The following TGFBR2 variants were observed in gnomAD, a reference collection of about 807,000 sequenced individuals.
The protein encoded by TGFBR2 is transforming growth factor beta receptor 2, also known as TGF-beta receptor type-2.
Under a neutral mutation model 49.0 loss-of-function variants are expected in TGFBR2, and 18 were observed. That is an observed-to-expected ratio of 0.37 (90% CI 0.25 to 0.54). The LOEUF (loss-of-function observed/expected upper bound fraction) is 0.54, where lower values mean the gene tolerates loss of function less well. TGFBR2 is among the 20% of genes least tolerant of loss of function. The pLI is 0.85. For synonymous variants in TGFBR2, 282 were observed against 275.9 expected (o/e 1.02, Z -0.22); for missense variants, 525 against 722.6 (o/e 0.73, Z 3.13).
rs752444160 is a variant in TGFBR2 at position 30,688,448 on chromosome 3, G to A, written c.1461G>A (p.Met487Ile). The change falls in exon 6 of 7, where the codon ATG becomes ATA. Residue 487 changes from methionine (M) to isoleucine (I), a missense_variant. Coordinates refer to ENST00000295754, the MANE Select transcript of TGFBR2 (RefSeq NM_003242.6). ...KVREHPCVESMKDNVLRDRGR... is the reference protein window; with the variant it reads ...KVREHPCVESIKDNVLRDRGR... ...GGGAGCACCCCTGTGTCGAAAGCAT[G>A]AAGGACAACGTGTTGAGAGATCGAG... 2 of 1,614,218 alleles carry A rather than the reference G, an allele frequency of 1.2e-6. No individual in the cohort carries two copies. Among genetic ancestry groups the A allele is most frequent in the South Asian group, 1.1e-5 (1 of 91,088 alleles).
chr3:30,658,703 G>A (rs1322087688), intron 3 of TGFBR2, among the ~76,000 whole-genome samples: 27 of 152,184 alleles, frequency 1.8e-4, no homozygotes, highest in Admixed American at 1.8e-3. Flanking sequence ...TCTCATTGTT[G>A]TAGCATTTCT....
At chr3:30,648,058 G>A (rs1272503572) in intron 2 of TGFBR2, among the ~76,000 whole-genome samples, 2 of 151,910 alleles carry the variant, frequency 1.3e-5, no homozygotes, top group Admixed American at 6.6e-5. Context: ...AATGTTGCAG[G>A]ACAAAAAAAG....
chr3:30,688,207 CA>C (rs1699656546), intron 5 of TGFBR2, among the ~76,000 whole-genome samples, 176 bp from the exon 6 acceptor site: 1 of 152,212 alleles, frequency 6.6e-6, no homozygotes, highest in African/African-American at 2.4e-5. Context: ...AGCCCTTCCC[CA>C]ACCACTCCTT....
At chr3:30,664,836 G>A (rs1699216234) in intron 3 of TGFBR2, among the ~76,000 whole-genome samples, 1 of 152,196 alleles carries the variant, frequency 6.6e-6, no homozygotes, top group African/African-American at 2.4e-5. Flanking sequence ...GGCCAACTTG[G>A]TAAATAAAAT....
At chr3:30,646,684 A>G (rs1210699244) in intron 2 of TGFBR2, among the ~76,000 whole-genome samples, 1 of 152,104 alleles carries the variant, frequency 6.6e-6, no homozygotes, top group Non-Finnish European at 1.5e-5. Context: ...CTGGATGACC[A>G]TATGTCAAAT....
intron 1 of TGFBR2, among the ~76,000 whole-genome samples, chr3:30,629,444 T>C (rs1374261114): frequency 6.6e-6 from 1 of 152,218 alleles, no homozygotes; most frequent in African/African-American, 2.4e-5. Flanking sequence ...CTTTTATTGC[T>C]AAGTTAGACA....
At chr3:30,690,444 C>T (rs1191726167) in intron 6 of TGFBR2, among the ~76,000 whole-genome samples, 3 of 152,154 alleles carry the variant, frequency 2.0e-5, no homozygotes, top group African/African-American at 7.2e-5. Context: ...CATGCCTGAC[C>T]CACATAGGCA....
chr3:30,634,741 A>C (rs1575139277), intron 1 of TGFBR2, among the ~76,000 whole-genome samples: 1 of 152,106 alleles, frequency 6.6e-6, no homozygotes, highest in East Asian at 1.9e-4. Context: ...TTGCTACAGC[A>C]CTCCAAGTCC....
chr3:30,645,905 A>G lies in TGFBR2; in HGVS notation c.263+990A>G, dbSNP rs530218216. On this transcript the variant is annotated intron_variant, in intron 2 of 6. Coordinates refer to ENST00000295754, the MANE Select transcript of TGFBR2 (RefSeq NM_003242.6). ...TATACATACACAGTGGATACTCATG[A>G]ATCATTTGATTAATTCATGGTTATA... 1.8e-4 allele frequency among the ~76,000 whole-genome samples: 27 copies of G among 152,224 alleles called. 1 individual carries two copies. In the South Asian group the frequency reaches 5.6e-3, roughly 32 times the overall value.
At chr3:30,688,320 G>T (rs1699658461) in intron 5 of TGFBR2, 64 bp from the exon 6 acceptor site, 1 of 1,611,500 alleles carries the variant, frequency 6.2e-7, no homozygotes, top group Admixed American at 1.7e-5. Flanking sequence ...ATCTCACCAT[G>T]CTCATTTCCT....
intron 3 of TGFBR2, among the ~76,000 whole-genome samples, chr3:30,658,597 G>A (rs917343444): frequency 6.6e-6 from 1 of 152,188 alleles, no homozygotes; most frequent in Non-Finnish European, 1.5e-5. Context: ...GCAGGCTTTA[G>A]CATTTAGTGT....
At chr3:30,669,371 A>T (rs896538580) in intron 3 of TGFBR2, among the ~76,000 whole-genome samples, 34 of 152,124 alleles carry the variant, frequency 2.2e-4, no homozygotes, top group African/African-American at 7.5e-4. Context: ...ATATGAACAC[A>T]CATGAGGAGT....
At chr3:30,653,120 T>C (rs1244166199) in intron 3 of TGFBR2, among the ~76,000 whole-genome samples, 1 of 152,198 alleles carries the variant, frequency 6.6e-6, no homozygotes. Flanking sequence ...GGGTGTTTGC[T>C]TTTTAAGCAT....
At chr3:30,663,808 T>C (rs1321687225) in intron 3 of TGFBR2, among the ~76,000 whole-genome samples, 1 of 152,076 alleles carries the variant, frequency 6.6e-6, no homozygotes, top group Non-Finnish European at 1.5e-5. Flanking sequence ...CAGACACTTG[T>C]TTTATGCACT....
intron 1 of TGFBR2, 128 bp downstream of exon 1, chr3:30,607,105 G>T (rs1341633624): frequency 1.4e-6 from 1 of 732,312 alleles, no homozygotes; most frequent in Non-Finnish European, 2.3e-6. Context: ...AGTTTCCCCC[G>T]CGACACTCAC....
rs1180186744 is a variant in TGFBR2 at position 30,691,968 on chromosome 3, G to A, written c.*369G>A. On this transcript the variant is annotated 3_prime_UTR_variant, in exon 7 of 7. Transcript: ENST00000295754. ...AGCTCTATATATATAGCCATACCTT[G>A]AAAAGAGACAAGGAAAAACATCAAA... 4.6e-6 allele frequency: 1 copy of A among 218,648 alleles called. No homozygotes were observed. The highest frequency in any genetic ancestry group is 1.9e-4 in the South Asian group (1 of 5,394). The allele number at this position is 218,648 out of a possible 1,614,324, so 13.5% of individuals were successfully genotyped here. A position where few individuals can be genotyped will look rare whatever the true frequency, so the allele number is the denominator to read the frequency against.
intron 1 of TGFBR2, among the ~76,000 whole-genome samples, chr3:30,614,184 C>T (rs1271426418): frequency 6.7e-6 from 1 of 149,684 alleles, no homozygotes; most frequent in East Asian, 1.9e-4. Context: ...GAGAGACCAC[C>T]AGGCGGGCAA....
chr3:30,658,535 A>C (rs1387339015), intron 3 of TGFBR2, among the ~76,000 whole-genome samples: 4 of 152,212 alleles, frequency 2.6e-5, no homozygotes, highest in Admixed American at 2.6e-4. Flanking sequence ...ATAGGGAAGC[A>C]GACCATAAGA....
chr3:30,618,484 C>T (rs1489742543), intron 1 of TGFBR2, among the ~76,000 whole-genome samples: 4 of 151,768 alleles, frequency 2.6e-5, no homozygotes, highest in Non-Finnish European at 4.4e-5. Context: ...GATCCGCCCG[C>T]CTCGGCCTCC....
Sources: gnomAD v4.1 joint callset for allele counts (sites outside exome capture counted in the v4.1 genomes callset) on GRCh38, gnomAD v4.1.1 for gene constraint, MANE v1.5 for transcripts, NCBI Gene and HGNC (gene_info 2026-07-23, HGNC 2026-07-21) for gene names.